The following NCAM2 variants were observed in gnomAD, a reference collection of about 807,000 sequenced individuals.
NCAM2 encodes N-CAM-2.
In NCAM2, 30 loss-of-function variants were observed where a neutral mutation model predicts 98.1. The ratio of observed to expected loss-of-function variants is 0.31; its 90% CI spans 0.23 to 0.41. The LOEUF is 0.41. NCAM2 is among the 10% of genes least tolerant of loss of function. The probability of loss-of-function intolerance (pLI) is 1.00; values close to 1 mark genes in which losing one functional copy is unlikely to be tolerated. For synonymous variants in NCAM2, 368 were observed against 342.4 expected, an observed-to-expected ratio of 1.07 and a Z score of -0.83; for missense variants, 867 against 1,005.8, an observed-to-expected ratio of 0.86 and a Z score of 1.87.
chr21:21,335,699 T>G, intron 7 of NCAM2, 34 bp downstream of exon 7: 6 of 1,498,236 alleles, frequency 4.0e-6, no homozygotes, highest in Non-Finnish European at 5.4e-6. Flanking sequence ...AAAACTGTTA[T>G]GTCTATTGGA....
intron 5 of NCAM2, among the ~76,000 whole-genome samples, chr21:21,299,697 C>G (rs557781991): frequency 6.6e-6 from 1 of 151,638 alleles, no homozygotes; most frequent in Non-Finnish European, 1.5e-5. Context: ...TAAATATGAC[C>G]TGCCTTATTG....
chr21:21,384,822 T>C (rs1287148430), intron 9 of NCAM2, among the ~76,000 whole-genome samples: 1 of 152,068 alleles, frequency 6.6e-6, no homozygotes, highest in Non-Finnish European at 1.5e-5. Flanking sequence ...ATTTCATTAG[T>C]TGCTACAGTT....
intron 1 of NCAM2, among the ~76,000 whole-genome samples, chr21:21,265,690 A>G (rs912226734): frequency 3.3e-5 from 5 of 151,744 alleles, no homozygotes; most frequent in Non-Finnish European, 5.9e-5. Context: ...ATTCTCACTT[A>G]TAAGTGGGAG....
intron 1 of NCAM2, among the ~76,000 whole-genome samples, chr21:21,058,161 A>AC (rs1396534375): frequency 1.5e-4 from 22 of 148,812 alleles, no homozygotes; most frequent in African/African-American, 5.2e-4. Flanking sequence ...AAAAAAAAAA[A>AC]AAAACCCAAA....
intron 12 of NCAM2, among the ~76,000 whole-genome samples, chr21:21,443,320 A>C (rs1173221002): frequency 6.6e-6 from 1 of 152,148 alleles, no homozygotes; most frequent in Non-Finnish European, 1.5e-5. Context: ...GAAATACCTA[A>C]TGTAAATGAC....
intron 1 of NCAM2, among the ~76,000 whole-genome samples, chr21:21,219,896 T>C (rs1470222714): frequency 6.6e-6 from 1 of 152,158 alleles, no homozygotes; most frequent in Non-Finnish European, 1.5e-5. Context: ...TAGGCTAATG[T>C]ATGTGTTTGC....
At chr21:21,435,291 C>G (rs891864704) in intron 12 of NCAM2, among the ~76,000 whole-genome samples, 1 of 152,154 alleles carries the variant, frequency 6.6e-6, no homozygotes, top group South Asian at 2.1e-4. Flanking sequence ...GTAGATCAAT[C>G]CTCTGTAAAA....
At chr21:21,311,082 A>G (rs2074035412) in intron 5 of NCAM2, among the ~76,000 whole-genome samples, 1 of 152,206 alleles carries the variant, frequency 6.6e-6, no homozygotes, top group Non-Finnish European at 1.5e-5. Flanking sequence ...TTTGCCTTCC[A>G]TTGAAAGTTT....
At chr21:21,467,428 T>TATATATATATCTTTATA (rs1555902035) in intron 13 of NCAM2, among the ~76,000 whole-genome samples, 5 of 140,730 alleles carry the variant, frequency 3.6e-5, no homozygotes, top group African/African-American at 1.4e-4. Flanking sequence ...ATATATCTTT[T>TATATATATATCTTTATA]TATATATATA....
At chr21:21,446,116 T>A (rs1980097938) in intron 12 of NCAM2, among the ~76,000 whole-genome samples, 1 of 152,134 alleles carries the variant, frequency 6.6e-6, no homozygotes, top group African/African-American at 2.4e-5. Context: ...GGTATGAAAT[T>A]CTGCATTGAA....
intron 1 of NCAM2, among the ~76,000 whole-genome samples, chr21:21,238,727 A>G (rs1429148842): frequency 6.6e-6 from 1 of 152,200 alleles, no homozygotes; most frequent in East Asian, 1.9e-4. Context: ...TCATTTCGGT[A>G]ATAAATATTA....
intron 8 of NCAM2, among the ~76,000 whole-genome samples, chr21:21,369,489 A>AT (rs2148031394): frequency 6.6e-6 from 1 of 151,942 alleles, no homozygotes; most frequent in East Asian, 1.9e-4. Flanking sequence ...TTGGAATGTA[A>AT]TTACAATTCT....
chr21:21,116,850 G>A (rs1263226468), intron 1 of NCAM2, among the ~76,000 whole-genome samples: 2 of 149,810 alleles, frequency 1.3e-5, no homozygotes, highest in Non-Finnish European at 3.0e-5. Flanking sequence ...GCCAGACTCC[G>A]TCTCAAAAGA....
At position 21,331,524 on chromosome 21, in the gene NCAM2, T is replaced by C. The variant is rs995953945; in HGVS notation, c.738-3981T>C. 5.0e-3 allele frequency among the ~76,000 whole-genome samples: 104 copies of C among 20,848 alleles called. 34 individuals carry two copies. The highest frequency in any genetic ancestry group is 7.3e-3 in the Non-Finnish European group (71 of 9,702). The allele number at this position is 20,848 out of a possible 152,430, so 13.7% of individuals were successfully genotyped here. A position where few individuals can be genotyped will look rare whatever the true frequency, so the allele number is the denominator to read the frequency against. ...ACTCTATACTCTCTCTCTCTATATA[T>C]ATATATATATACTCTATATACATAT... On this transcript the variant is annotated intron_variant, in intron 6 of 17. Coordinates refer to ENST00000400546, the MANE Select transcript of NCAM2 (RefSeq NM_004540.5).
intron 1 of NCAM2, among the ~76,000 whole-genome samples, chr21:21,159,097 G>A (rs2067701582): frequency 6.6e-6 from 1 of 151,900 alleles, no homozygotes; most frequent in South Asian, 2.1e-4. Context: ...TTGTGTCTTA[G>A]TTTTTAAGAA....
intron 1 of NCAM2, among the ~76,000 whole-genome samples, chr21:21,107,356 AT>A (rs2066370498): frequency 6.6e-6 from 1 of 152,038 alleles, no homozygotes; most frequent in African/African-American, 2.4e-5. Context: ...CAATGAAATC[AT>A]TTCCTCAAAA....
chr21:21,002,937 G>C (rs1456948391), intron 1 of NCAM2, among the ~76,000 whole-genome samples: 1 of 152,030 alleles, frequency 6.6e-6, no homozygotes, highest in Non-Finnish European at 1.5e-5. Context: ...TACATGATAT[G>C]AGAACACTTT....
At chr21:21,496,832 G>A (rs1405797972) in intron 15 of NCAM2, among the ~76,000 whole-genome samples, 1 of 152,162 alleles carries the variant, frequency 6.6e-6, no homozygotes, top group African/African-American at 2.4e-5. Flanking sequence ...TCTGCATTGG[G>A]CTAGCCAGTT....
intron 5 of NCAM2, among the ~76,000 whole-genome samples, chr21:21,299,061 A>G (rs191229308): frequency 6.6e-6 from 1 of 151,802 alleles, no homozygotes; most frequent in African/African-American, 2.4e-5. Flanking sequence ...TACTGCAATA[A>G]TGCAAATTTT....
Sources: gnomAD v4.1 joint callset for allele counts (sites outside exome capture counted in the v4.1 genomes callset) on GRCh38, gnomAD v4.1.1 for gene constraint, MANE v1.5 for transcripts, NCBI Gene and HGNC (gene_info 2026-07-23, HGNC 2026-07-21) for gene names.